Variants in NECAB3 observed in about 807,000 individuals in gnomAD.
NECAB3 encodes N-terminal EF-hand calcium binding protein 3.
A neutral mutation model predicts 57.2 loss-of-function variants in NECAB3; 38 were observed. The observed-to-expected ratio is 0.66, with a 90% confidence interval of 0.51 to 0.87. The LOEUF (loss-of-function observed/expected upper bound fraction) is 0.87, where lower values mean the gene tolerates loss of function less well. Among genes scored for constraint, NECAB3 ranks in the 40% least tolerant of loss-of-function variants. NECAB3 has a pLI of 0.00. For synonymous variants in NECAB3, 223 were observed against 222.6 expected, an observed-to-expected ratio of 1.00 and a Z score of -0.02; for missense variants, 474 against 527.5, an observed-to-expected ratio of 0.90 and a Z score of 0.99.
chr20:33,672,749 T>C (rs1475399628), intron 1 of NECAB3, among the ~76,000 whole-genome samples: 1 of 152,154 alleles, frequency 6.6e-6, no homozygotes, highest in Non-Finnish European at 1.5e-5. Context: ...CATCAGCCCC[T>C]GGCACAGTTC....
chr20:33,661,587 T>C (rs1480991948), intron 5 of NECAB3, among the ~76,000 whole-genome samples: 3 of 152,202 alleles, frequency 2.0e-5, no homozygotes, highest in Non-Finnish European at 4.4e-5. Context: ...TTCTGTTGCT[T>C]TCAACCAGAG....
At chr20:33,663,824 A>G (rs1480005610) in intron 5 of NECAB3, 33 of 1,406,442 alleles carry the variant, frequency 2.3e-5, no homozygotes, top group Non-Finnish European at 2.8e-5. Context: ...CCCGCCGAGG[A>G]GCAGCCGCGC....
Position 33,658,574 on chromosome 20 carries a change from G to A in NECAB3, c.993-20C>T. On this transcript the variant is annotated intron_variant, in intron 9 of 11. Transcript: ENST00000246190. ...GACACACTGTAGGGCCAAAGAGATGGGCAGGCCAGGCCAGGGCTGCCACCA... is the reference window on the plus strand; with the variant it reads ...GACACACTGTAGGGCCAAAGAGATGAGCAGGCCAGGCCAGGGCTGCCACCA... The A allele has an allele frequency of 1.2e-6, 2 of 1,613,676 alleles. No individual in the cohort carries two copies. The highest frequency in any genetic ancestry group is 1.7e-6 in the Non-Finnish European group (2 of 1,179,782).
At chr20:33,658,972 G>A (rs1484996658) in intron 8 of NECAB3, 138 bp from the exon 9 acceptor site, 4 of 640,104 alleles carry the variant, frequency 6.2e-6, no homozygotes, top group African/African-American at 1.8e-5. Context: ...CCAGGCTGGA[G>A]TGCAGTGGTG....
chr20:33,668,580 A>C, intron 5 of NECAB3: 2 of 235,138 alleles, frequency 8.5e-6, no homozygotes, highest in Non-Finnish European at 8.6e-6. Flanking sequence ...CATACATCCG[A>C]TGCCAGGCCC....
chr20:33,668,953 G>A (rs774544909), intron 5 of NECAB3, among the ~76,000 whole-genome samples: 24 of 152,306 alleles, frequency 1.6e-4, no homozygotes, highest in Admixed American at 3.9e-4. Context: ...GTATGTCCTC[G>A]GGCCAGGCCC....
chr20:33,668,169 C>G (rs1366141395), intron 5 of NECAB3: 2 of 1,612,176 alleles, frequency 1.2e-6, no homozygotes, highest in Non-Finnish European at 1.7e-6. Context: ...CCTTCCAGCG[C>G]CGCTGGATAA....
chr20:33,663,664 A>T, intron 5 of NECAB3: 1 of 1,574,924 alleles, frequency 6.3e-7, no homozygotes. Context: ...GGGCGAAGGT[A>T]GCGAGCGCGA....
At chr20:33,667,779 C>A (rs770957277) in intron 5 of NECAB3, 1 of 1,612,540 alleles carries the variant, frequency 6.2e-7, no homozygotes, top group Non-Finnish European at 8.5e-7. Flanking sequence ...TCGAGGGCGA[C>A]CTCCGCGACC....
rs752068255 is a variant in NECAB3, at chr20:33,660,492, T to G, written c.388-97A>C. Reference sequence around the variant, plus strand: ...TTGCCCATCAGAGCAGCGGTGGCAGTGCCAAGAGCAGGGGCACGCAAACCT... The same window carrying G: ...TTGCCCATCAGAGCAGCGGTGGCAGGGCCAAGAGCAGGGGCACGCAAACCT... On this transcript the variant is annotated intron_variant, in intron 5 of 11. Coordinates refer to ENST00000246190, the MANE Select transcript of NECAB3 (RefSeq NM_031232.4). This position sits in a 1 kb window ranked among gnomAD's most constrained non-coding sequence, Gnocchi z 4.1. 4.0e-6 allele frequency: 6 copies of G among 1,509,520 alleles called. No individual in the cohort carries two copies. Among genetic ancestry groups the G allele is most frequent in the Non-Finnish European group, 5.4e-6 (6 of 1,114,108 alleles). The allele number at this position is 1,509,520 out of a possible 1,614,324, so 93.5% of individuals were successfully genotyped here.
chr20:33,667,678 G>A (rs1440996696), intron 5 of NECAB3: 1 of 1,611,794 alleles, frequency 6.2e-7, no homozygotes, highest in Non-Finnish European at 8.5e-7. Context: ...GGATCTGCTG[G>A]TGGCGGCGAA....
At chr20:33,663,008 C>T (rs890865576) in intron 5 of NECAB3, among the ~76,000 whole-genome samples, 1 of 152,170 alleles carries the variant, frequency 6.6e-6, no homozygotes, top group Non-Finnish European at 1.5e-5. Context: ...GACTTGAGAG[C>T]CCCGGGGGGT....
Position 33,659,853 on chromosome 20 carries a change from CG to C in NECAB3, c.643+31del, listed in dbSNP as rs755373199. On this transcript the variant is annotated intron_variant, in intron 7 of 11. Transcript: ENST00000246190. Reference sequence around the variant, plus strand: ...GGAAGGGGGGATGCGGTGCCTGCCTCGGCCAGGCCTCCCACCCCACCCCAGG... The same window carrying C: ...GGAAGGGGGGATGCGGTGCCTGCCTCGCCAGGCCTCCCACCCCACCCCAGG... The C allele has an allele frequency of 2.8e-5, 43 of 1,538,424 alleles. No individual in the cohort carries two copies. In the African/African-American group the frequency reaches 5.6e-4, roughly 20 times the overall value.
intron 5 of NECAB3, chr20:33,667,278 G>A: frequency 4.0e-6 from 2 of 494,264 alleles, no homozygotes; most frequent in Non-Finnish European, 6.5e-6. Context: ...CGGGCTGCGA[G>A]CTGGCGGGCG....
At position 33,660,475 on chromosome 20, in the gene NECAB3, C is replaced by T. The variant is rs17124895; in HGVS notation, c.388-80G>A. ...AGTGGGTCCCCTGCCTCTTGCCCAT[C>T]AGAGCAGCGGTGGCAGTGCCAAGAG... On this transcript the variant is annotated intron_variant, in intron 5 of 11. Transcript: ENST00000246190. The surrounding 1 kb of genome is among the most constrained non-coding windows in gnomAD (Gnocchi z 4.1). 271,801 of 1,561,088 alleles carry T rather than the reference C, an allele frequency of 0.17. 26,078 individuals are homozygous for T. The highest frequency in any genetic ancestry group is 0.4 in the East Asian group (17,476 of 43,982).
Position 33,670,710 on chromosome 20 carries a change from G to C in NECAB3, c.237C>G (p.Phe79Leu), listed in dbSNP as rs1469079913. 4 of 1,614,032 alleles carry C rather than the reference G, an allele frequency of 2.5e-6. No homozygotes were observed. The Admixed American group carries it at 5.0e-5, about 20-fold the overall frequency. The change falls in exon 3 of 12, where the codon TTC (phenylalanine) becomes TTG (leucine). Residue 79 changes from phenylalanine (F) to leucine (L), a missense_variant. By Grantham distance (22) the Phe-to-Leu change is conservative. Coordinates refer to ENST00000246190, the MANE Select transcript of NECAB3 (RefSeq NM_031232.4). ...VLSLGELQEL[F>L]SGIDGHLTDN... is the part of the protein sequence containing the mutation. ...CGGTGAGATGCCCATCAATGCCGCT[G>C]AACAGTTCCTGCAGCTCCCCCAGGC...
At chr20:33,666,155 A>C (rs539877468) in intron 5 of NECAB3, among the ~76,000 whole-genome samples, 8 of 152,348 alleles carry the variant, frequency 5.3e-5, no homozygotes, top group African/African-American at 1.4e-4. Context: ...AAGCCCATAA[A>C]GGTAGGGCCA....
chr20:33,662,650 G>A lies in NECAB3; in HGVS notation c.388-2255C>T, dbSNP rs755162719. On this transcript the variant is annotated intron_variant, in intron 5 of 11. Coordinates refer to ENST00000246190, the MANE Select transcript of NECAB3 (RefSeq NM_031232.4). ...GGATCCCAGGAGCCCATATGGGTGT[G>A]GATGGGGGTCCTTTCAAGGTGGCTC... is the stretch of plus-strand genomic sequence containing the variant. 61 of 708,964 alleles carry A rather than the reference G, an allele frequency of 8.6e-5. 4 individuals carry two copies. The South Asian group carries it at 9.9e-4, about 12-fold the overall frequency. 43.9% of individuals were successfully genotyped at this position (708,964 alleles called of 1,614,324 possible).
At chr20:33,674,992 C>A (rs1340769268), upstream of NECAB3, among the ~76,000 whole-genome samples, 2 of 152,012 alleles carry the variant, frequency 1.3e-5, no homozygotes, top group African/African-American at 4.8e-5. Flanking sequence ...ACTTCGGTCT[C>A]CAGTGACTCC....
Sources: allele counts gnomAD v4.1 joint callset (sites outside exome capture counted in the v4.1 genomes callset), GRCh38; gene constraint gnomAD v4.1.1; non-coding constraint Gnocchi (gnomAD v3.1); transcripts MANE v1.5; gene names NCBI Gene and HGNC (gene_info 2026-07-23, HGNC 2026-07-21).